The following PLA2G12A variants were observed in gnomAD, a reference collection of about 807,000 sequenced individuals.
PLA2G12A encodes the protein phospholipase A2 group XIIA.
PLA2G12A carries 11 observed loss-of-function variants against 16.0 expected under a neutral mutation model. The observed-to-expected ratio is 0.69, with a 90% CI of 0.43 to 1.13. PLA2G12A has a LOEUF of 1.13. PLA2G12A is among the 50% of genes most tolerant of loss of function. PLA2G12A has a pLI of 0.00. For missense variants in PLA2G12A, 214 were observed against 237.3 expected, an observed-to-expected ratio of 0.90 and a Z score of 0.65; for synonymous variants, 77 against 93.8, an observed-to-expected ratio of 0.82 and a Z score of 1.03.
At position 109,710,693 on chromosome 4, in the gene PLA2G12A, T is replaced by C. The variant is rs1409336420; in HGVS notation, c.*3684A>G. 2.0e-5 allele frequency: 3 copies of C among 152,266 alleles called. No individual in the cohort carries two copies. The highest frequency in any genetic ancestry group is 2.0e-4 in the Admixed American group (3 of 15,280). The allele number at this position is 152,266 out of a possible 1,614,324, so 9.4% of individuals were successfully genotyped here. ...GTTGGCCAAGCTGGTCTCGAACTTC[T>C]GACTTTGAGTGATCTGTCCGCCTTG... On this transcript the variant is annotated 3_prime_UTR_variant, in exon 4 of 4. Transcript: ENST00000243501.
chr4:109,717,772 T>A, intron 2 of PLA2G12A, 59 bp from the exon 3 acceptor site: 1 of 1,487,964 alleles, frequency 6.7e-7, no homozygotes, highest in South Asian at 1.2e-5. Context: ...TCTGAAGTAC[T>A]GCATTCAAAT....
At chr4:109,715,497 T>C (rs1307315483) in intron 3 of PLA2G12A, among the ~76,000 whole-genome samples, 1 of 152,052 alleles carries the variant, frequency 6.6e-6, no homozygotes, top group Non-Finnish European at 1.5e-5. Flanking sequence ...ATTTATTTTT[T>C]TGAGACAAGG....
chr4:109,717,884 T>G (rs958398802), intron 2 of PLA2G12A, among the ~76,000 whole-genome samples, 171 bp from the exon 3 acceptor site: 8 of 152,246 alleles, frequency 5.3e-5, no homozygotes, highest in African/African-American at 1.9e-4. Flanking sequence ...CCATTACACT[T>G]ACCCATACCC....
intron 1 of PLA2G12A, 71 bp from the exon 2 acceptor site, chr4:109,718,830 A>C: frequency 1.0e-6 from 1 of 965,052 alleles, no homozygotes; most frequent in Non-Finnish European, 1.6e-6. Flanking sequence ...CAAAAAGGTC[A>C]ATATGCTACA....
At chr4:109,715,859 T>A (rs1225664283) in intron 3 of PLA2G12A, among the ~76,000 whole-genome samples, 1 of 152,220 alleles carries the variant, frequency 6.6e-6, no homozygotes, top group East Asian at 1.9e-4. Flanking sequence ...AACATCCAGG[T>A]GAGATTATCT....
At chr4:109,726,939 T>TG (rs1373043086) in intron 1 of PLA2G12A, among the ~76,000 whole-genome samples, 5 of 151,398 alleles carry the variant, frequency 3.3e-5, no homozygotes, top group Admixed American at 6.6e-5. Context: ...CTCTTTTTTT[T>TG]TTTTTTTAAA....
chr4:109,729,618 C>T lies in PLA2G12A; in HGVS notation c.192G>A (p.Gln64=). Residue 64 remains glutamine, a synonymous_variant, in exon 1 of 4, where the codon CAG becomes CAA. Coordinates refer to ENST00000243501, the MANE Select transcript of PLA2G12A (RefSeq NM_030821.5). ...DLLGGEDGLC[Q]YKCSDGSKPF... ...CCCCCTCACCGTCACTGCATTTATACTGGCAGAGACCGTCCTCGCCTCCCA... is the reference window on the plus strand; with the variant it reads ...CCCCCTCACCGTCACTGCATTTATATTGGCAGAGACCGTCCTCGCCTCCCA... 4 of 1,611,348 alleles carry T rather than the reference C, an allele frequency of 2.5e-6. No individual in the cohort carries two copies. Among genetic ancestry groups the T allele is most frequent in the Non-Finnish European group, 3.4e-6 (4 of 1,179,368 alleles).
At chr4:109,715,765 G>A (rs1455936225) in intron 3 of PLA2G12A, among the ~76,000 whole-genome samples, 1 of 152,138 alleles carries the variant, frequency 6.6e-6, no homozygotes, top group African/African-American at 2.4e-5. Context: ...GTGAGCCACC[G>A]CACCCGGCCC....
chr4:109,722,311 C>T (rs1335945013), intron 1 of PLA2G12A, among the ~76,000 whole-genome samples: 1 of 152,204 alleles, frequency 6.6e-6, no homozygotes, highest in East Asian at 1.9e-4. Flanking sequence ...TATGTGGATG[C>T]TCTTTCTCCT....
At chr4:109,726,548 T>C (rs3266) in intron 1 of PLA2G12A, among the ~76,000 whole-genome samples, 12,957 of 152,148 alleles carry the variant, frequency 0.085, 677 homozygotes, top group African/African-American at 0.14. Context: ...CCTGCTTCCA[T>C]TTTTACTCCC....
intron 1 of PLA2G12A, among the ~76,000 whole-genome samples, chr4:109,725,542 T>C (rs1722918202): frequency 6.6e-6 from 1 of 152,214 alleles, no homozygotes; most frequent in Non-Finnish European, 1.5e-5. Flanking sequence ...TTGCGGCCAT[T>C]GTCCTCTAAA....
chr4:109,720,610 T>C (rs1284337769), intron 1 of PLA2G12A, among the ~76,000 whole-genome samples: 2 of 18,700 alleles, frequency 1.1e-4, no homozygotes, highest in Non-Finnish European at 1.9e-4. Context: ...AAAAAATATA[T>C]ATATATATAT....
At chr4:109,728,013 T>C (rs1183789443) in intron 1 of PLA2G12A, among the ~76,000 whole-genome samples, 1 of 152,220 alleles carries the variant, frequency 6.6e-6, no homozygotes, top group Non-Finnish European at 1.5e-5. Flanking sequence ...GAGTCATCCT[T>C]GACTGGCCTT....
At chr4:109,728,660 T>C (rs1347705846) in intron 1 of PLA2G12A, among the ~76,000 whole-genome samples, 1 of 152,212 alleles carries the variant, frequency 6.6e-6, no homozygotes, top group Non-Finnish European at 1.5e-5. Context: ...TGTGGCATCA[T>C]AGGTTTACAT....
chr4:109,718,190 C>G (rs1730860696), intron 2 of PLA2G12A, among the ~76,000 whole-genome samples: 1 of 152,040 alleles, frequency 6.6e-6, no homozygotes, highest in Non-Finnish European at 1.5e-5. Context: ...TTAAATATTT[C>G]TCCATTCCCC....
chr4:109,721,298 G>A (rs923602023), intron 1 of PLA2G12A, among the ~76,000 whole-genome samples: 19 of 151,340 alleles, frequency 1.3e-4, no homozygotes, highest in African/African-American at 2.9e-4. Context: ...AACTCTCATC[G>A]CCTACTTTTA....
chr4:109,720,593 AAAAAAAAAAAAATATATATATATATATAT>A (rs1730912698), intron 1 of PLA2G12A, among the ~76,000 whole-genome samples: 3 of 30,164 alleles, frequency 9.9e-5, no homozygotes, highest in Admixed American at 3.4e-4. Context: ...AAAAAAAAAA[AAAAAAAAAAAAATATATATATATATATAT>A]ATATATATAT....
intron 1 of PLA2G12A, among the ~76,000 whole-genome samples, chr4:109,719,527 T>C (rs1730885288): frequency 6.6e-6 from 1 of 152,226 alleles, no homozygotes; most frequent in Non-Finnish European, 1.5e-5. Context: ...AGGAAAAAGA[T>C]GACATTATCA....
At chr4:109,724,231 T>C (rs1440543644) in intron 1 of PLA2G12A, among the ~76,000 whole-genome samples, 1 of 152,238 alleles carries the variant, frequency 6.6e-6, no homozygotes, top group Non-Finnish European at 1.5e-5. Flanking sequence ...GTTCAAGCGA[T>C]TCTTCTGCCT....
Sources: allele counts gnomAD v4.1 joint callset (sites outside exome capture counted in the v4.1 genomes callset), GRCh38; gene constraint gnomAD v4.1.1; transcripts MANE v1.5; gene names NCBI Gene and HGNC (gene_info 2026-07-23, HGNC 2026-07-21).